The following JAG1 variants were observed in gnomAD, a reference collection of about 807,000 sequenced individuals.
JAG1 encodes protein jagged-1.
In JAG1, 23 loss-of-function variants were observed where a neutral mutation model predicts 148.7. That is an observed-to-expected ratio of 0.15 (90% CI 0.11 to 0.22). The LOEUF is 0.22. Ranked by LOEUF, JAG1 falls within the 10% of genes least tolerant of loss-of-function variation. JAG1 has a pLI of 1.00. For missense variants in JAG1, 1,054 were observed against 1,611.2 expected, an observed-to-expected ratio of 0.65 and a Z score of 5.92; for synonymous variants, 572 against 598.3, an observed-to-expected ratio of 0.96 and a Z score of 0.64.
rs1161619982 is a variant in JAG1 at position 10,645,623 on chromosome 20, T to G, written c.2000-154A>C. 6.9e-6 allele frequency: 5 copies of G among 722,832 alleles called. No individual in the cohort carries two copies. The highest frequency in any genetic ancestry group is 1.2e-5 in the Non-Finnish European group (5 of 411,250). 44.8% of individuals were successfully genotyped at this position (722,832 alleles called of 1,614,324 possible). On this transcript the variant is annotated intron_variant, in intron 15 of 25. Coordinates refer to ENST00000254958, the MANE Select transcript of JAG1 (RefSeq NM_000214.3). This position sits in a 1 kb window ranked among gnomAD's most constrained non-coding sequence, Gnocchi z 6.1. ...TAACACAATCAGGCTTTTCCAGGAA[T>G]AAAGGAGCTCCCAACTGGGTTACTT...
rs33967297 is a variant in JAG1 at position 10,644,276 on chromosome 20, T to TCACA, written c.2372+77_2372+80dup. The TCACA allele has an allele frequency of 0.05, 43,800 of 879,106 alleles. 431 individuals are homozygous for TCACA. Among genetic ancestry groups the TCACA allele is most frequent in the Middle Eastern group, 0.085 (338 of 3,992 alleles). 54.5% of individuals were successfully genotyped at this position (879,106 alleles called of 1,614,324 possible). The stretch of plus-strand genomic sequence containing the variant: ...TTTAAACACAATCCCTGGGTGATTC[T>TCACA]CACACACACACACACACACACACAC... On this transcript the variant is annotated intron_variant, in intron 19 of 25. Coordinates refer to ENST00000254958, the MANE Select transcript of JAG1 (RefSeq NM_000214.3).
At position 10,644,511 on chromosome 20, in the gene JAG1, C is replaced by T. The variant is rs934278219; in HGVS notation, c.2345-127G>A. 3 of 781,706 alleles carry T rather than the reference C, an allele frequency of 3.8e-6. No homozygotes were observed. In the African/African-American group the frequency reaches 5.1e-5, roughly 13 times the overall value. 48.4% of individuals were successfully genotyped at this position (781,706 alleles called of 1,614,324 possible). A position where few individuals can be genotyped will look rare whatever the true frequency, so the allele number is the denominator to read the frequency against. ...GTCGTAGTTAACACCAGCAAAATAC[C>T]TTTGCTAAATTGGAACCAGGCCCGC... On this transcript the variant is annotated intron_variant, in intron 18 of 25. Coordinates refer to ENST00000254958, the MANE Select transcript of JAG1 (RefSeq NM_000214.3).
At chr20:10,654,639 G>C (rs79782407) in intron 5 of JAG1, among the ~76,000 whole-genome samples, 8 of 152,316 alleles carry the variant, frequency 5.3e-5, no homozygotes, top group Admixed American at 1.3e-4. Context: ...CTTCCTCAGC[G>C]TGAAGGTTCT....
intron 10 of JAG1, 70 bp downstream of exon 10, chr20:10,649,452 G>A: frequency 2.1e-6 from 2 of 932,460 alleles, no homozygotes; most frequent in East Asian, 2.5e-5. Flanking sequence ...TAGGACTGGA[G>A]CCCCAGTACG....
chr20:10,671,621 T>C (rs2067495567), intron 2 of JAG1, among the ~76,000 whole-genome samples: 1 of 151,960 alleles, frequency 6.6e-6, no homozygotes, highest in South Asian at 2.1e-4. Flanking sequence ...GAGCTCCCCC[T>C]CTCACCACCC....
chr20:10,665,101 A>G (rs1351255035), intron 2 of JAG1, among the ~76,000 whole-genome samples: 1 of 152,218 alleles, frequency 6.6e-6, no homozygotes, highest in Admixed American at 6.5e-5. Flanking sequence ...AGGAAATAGA[A>G]GCGTGTATAG....
In JAG1 at chr20:10,648,733, A is replaced by C. The variant is rs1486929090; in HGVS notation, c.1396-11T>G. On this transcript the variant is annotated splice_polypyrimidine_tract_variant and intron_variant, in intron 11 of 25. Transcript: ENST00000254958. ...ACCATTAACCAAATCCTAGAAGAGGAGAAGGGGAGAGAGAGACACATGCTT... is the reference window on the plus strand; with the variant it reads ...ACCATTAACCAAATCCTAGAAGAGGCGAAGGGGAGAGAGAGACACATGCTT... 3 of 1,613,324 alleles carry C rather than the reference A, an allele frequency of 1.9e-6. No homozygotes were observed. In the African/African-American group the frequency reaches 4.0e-5, roughly 22 times the overall value.
At position 10,645,637 on chromosome 20, in the gene JAG1, A is replaced by G. The variant is rs573775181; in HGVS notation, c.2000-168T>C. On this transcript the variant is annotated intron_variant, in intron 15 of 25. Transcript: ENST00000254958. The surrounding 1 kb of genome is among the most constrained non-coding windows in gnomAD (Gnocchi z 6.1). ...TTTTCCAGGAATAAAGGAGCTCCCA[A>G]CTGGGTTACTTTGAATGCCACAAGT... The G allele has an allele frequency of 3.8e-5, 26 of 687,838 alleles. No individual in the cohort carries two copies. The highest frequency in any genetic ancestry group is 3.1e-4 in the South Asian group (19 of 61,900). The allele number at this position is 687,838 out of a possible 1,614,324, so 42.6% of individuals were successfully genotyped here. A position where few individuals can be genotyped will look rare whatever the true frequency, so the allele number is the denominator to read the frequency against.
chr20:10,653,896 ATGCAAAGAAAT>A (rs1332733419), intron 5 of JAG1, among the ~76,000 whole-genome samples: 1 of 152,238 alleles, frequency 6.6e-6, no homozygotes, highest in Non-Finnish European at 1.5e-5. Context: ...GCACACCCAC[ATGCAAAGAAAT>A]CACTAGAATG....
intron 12 of JAG1, 54 bp downstream of exon 12, chr20:10,648,495 A>C: frequency 7.0e-7 from 1 of 1,418,608 alleles, no homozygotes; most frequent in East Asian, 2.3e-5. Context: ...GAAGCGGAGG[A>C]GGCAGCGGCT....
rs1203425910 is a variant in JAG1 at position 10,638,845 on chromosome 20, C to T, written c.*653G>A. 6.5e-6 allele frequency: 1 copy of T among 152,844 alleles called. No individual in the cohort carries two copies. Among genetic ancestry groups the T allele is most frequent in the Non-Finnish European group, 1.5e-5 (1 of 68,260 alleles). The allele number at this position is 152,844 out of a possible 1,614,324, so 9.5% of individuals were successfully genotyped here. On this transcript the variant is annotated 3_prime_UTR_variant, in exon 26 of 26. Transcript: ENST00000254958. ...TAAAAAGGAATGATGTTTTAAGGCT[C>T]TTGATTATTAAGTTAATAAATCAAA...
chr20:10,655,344 A>G (rs1394962927), intron 5 of JAG1, among the ~76,000 whole-genome samples: 2 of 152,200 alleles, frequency 1.3e-5, no homozygotes, highest in Non-Finnish European at 2.9e-5. Flanking sequence ...TGTGGGACGG[A>G]GCCCACGAAC....
intron 8 of JAG1, chr20:10,650,605 A>T: frequency 1.9e-6 from 1 of 515,442 alleles, no homozygotes; most frequent in Non-Finnish European, 3.5e-6. Context: ...AGACAGCTGG[A>T]TACTGACGGA....
At chr20:10,659,559 C>CCTTTTTTTT (rs2067401802) in intron 3 of JAG1, among the ~76,000 whole-genome samples, 1 of 105,138 alleles carries the variant, frequency 9.5e-6, no homozygotes, top group African/African-American at 3.7e-5. Flanking sequence ...GATTAAGTTA[C>CCTTTTTTTT]TTTTTTTTTT....
chr20:10,643,680 G>T, intron 20 of JAG1, 98 bp downstream of exon 20: 1 of 920,090 alleles, frequency 1.1e-6, no homozygotes, highest in South Asian at 1.4e-5. Context: ...GCTACTTAAA[G>T]GGAATGGTGG....
Position 10,645,660 on chromosome 20 carries a change from AGTTAGG to A in JAG1, c.2000-197_2000-192del. 2 of 650,334 alleles carry A rather than the reference AGTTAGG, an allele frequency of 3.1e-6. No individual in the cohort carries two copies. Among genetic ancestry groups the A allele is most frequent in the Admixed American group, 4.8e-5 (2 of 41,834 alleles). The allele number at this position is 650,334 out of a possible 1,614,324, so 40.3% of individuals were successfully genotyped here. On this transcript the variant is annotated intron_variant, in intron 15 of 25. Transcript: ENST00000254958. This position sits in a 1 kb window ranked among gnomAD's most constrained non-coding sequence, Gnocchi z 6.1. The stretch of plus-strand genomic sequence containing the variant: ...CAACTGGGTTACTTTGAATGCCACA[AGTTAGG>A]CAAGATGTGGGGTGGGCCTCTGGAA...
At chr20:10,660,708 C>T (rs137962163) in intron 3 of JAG1, among the ~76,000 whole-genome samples, 4 of 152,264 alleles carry the variant, frequency 2.6e-5, no homozygotes, top group Non-Finnish European at 5.9e-5. Flanking sequence ...GGGAGGGGGT[C>T]GAGCATGTCT....
intron 25 of JAG1, 119 bp downstream of exon 25, chr20:10,640,664 T>C (rs753345245): frequency 7.7e-6 from 8 of 1,041,254 alleles, no homozygotes; most frequent in South Asian, 1.3e-5. Flanking sequence ...CTCAGTTAAA[T>C]TGGGAGCTCC....
intron 3 of JAG1, among the ~76,000 whole-genome samples, chr20:10,659,584 T>TTTACAA: frequency 7.0e-6 from 1 of 143,356 alleles, no homozygotes; most frequent in South Asian, 2.3e-4. Context: ...TTTTTTTTTT[T>TTTACAA]TTTACAATTG....
Sources: allele counts gnomAD v4.1 joint callset (sites outside exome capture counted in the v4.1 genomes callset), GRCh38; gene constraint gnomAD v4.1.1; non-coding constraint Gnocchi (gnomAD v3.1); transcripts MANE v1.5; gene names NCBI Gene and HGNC (gene_info 2026-07-23, HGNC 2026-07-21).